NEK11: variants seen among roughly 807,000 people sequenced by gnomAD.
The protein encoded by NEK11 is serine/threonine-protein kinase Nek11.
NEK11 carries 72 observed loss-of-function variants against 80.7 expected under a neutral mutation model. The ratio of observed to expected loss-of-function variants is 0.89; its 90% CI spans 0.74 to 1.08. NEK11 has a LOEUF of 1.08. Ranked by LOEUF, NEK11 falls within the 50% of genes least tolerant of loss-of-function variation. The pLI, the probability that NEK11 is intolerant of heterozygous loss-of-function variation, is 0.00. For missense variants in NEK11, 764 were observed against 763.6 expected (o/e 1.00, Z -0.01); for synonymous variants, 251 against 260.7 (o/e 0.96, Z 0.36).
At chr3:131,176,978 TTAAA>T (rs2093056227) in intron 14 of NEK11, among the ~76,000 whole-genome samples, 1 of 152,114 alleles carries the variant, frequency 6.6e-6, no homozygotes, top group African/African-American at 2.4e-5. Context: ...AAGCAGAAAA[TTAAA>T]TAAGTATCAA....
At chr3:131,033,592 C>T (rs2065195513) in intron 3 of NEK11, among the ~76,000 whole-genome samples, 1 of 152,150 alleles carries the variant, frequency 6.6e-6, no homozygotes, top group Non-Finnish European at 1.5e-5. Flanking sequence ...AAGAACTTGA[C>T]AAAATGGAAC....
At chr3:131,257,432 G>A (rs187624113) in intron 16 of NEK11, among the ~76,000 whole-genome samples, 2 of 152,180 alleles carry the variant, frequency 1.3e-5, no homozygotes, top group African/African-American at 4.8e-5. Context: ...CCCCTTACAA[G>A]GGAAATGAGA....
chr3:131,051,888 T>A (rs888061999), intron 3 of NEK11, among the ~76,000 whole-genome samples: 1 of 152,104 alleles, frequency 6.6e-6, no homozygotes, highest in African/African-American at 2.4e-5. Flanking sequence ...TATAATATAA[T>A]TTTTGATAGG....
chr3:131,297,124 G>A (rs941300042), intron 17 of NEK11, among the ~76,000 whole-genome samples: 8 of 152,112 alleles, frequency 5.3e-5, no homozygotes, highest in South Asian at 2.1e-4. Context: ...ATAAACATAC[G>A]TATACATGTG....
At chr3:131,285,641 CA>C (rs1360055188) in intron 17 of NEK11, among the ~76,000 whole-genome samples, 2 of 152,212 alleles carry the variant, frequency 1.3e-5, no homozygotes, top group African/African-American at 4.8e-5. Flanking sequence ...TTCTCAAGAG[CA>C]AAACAAACTT....
intron 17 of NEK11, among the ~76,000 whole-genome samples, chr3:131,349,261 C>T (rs879116239): frequency 6.6e-6 from 1 of 152,018 alleles, no homozygotes; most frequent in African/African-American, 2.4e-5. Flanking sequence ...ATAAACACAT[C>T]TGTGTGTATA....
intron 17 of NEK11, among the ~76,000 whole-genome samples, chr3:131,274,264 C>G (rs1296202214): frequency 6.8e-6 from 1 of 148,146 alleles, no homozygotes; most frequent in Admixed American, 6.7e-5. Context: ...CAGTTTCATC[C>G]ATGTCCCTAC....
chr3:131,255,064 GACA>G, intron 16 of NEK11, among the ~76,000 whole-genome samples: 1 of 145,864 alleles, frequency 6.9e-6, no homozygotes, highest in Non-Finnish European at 1.5e-5. Context: ...CAGACAGACA[GACA>G]GACAGAAAGA....
At chr3:131,154,412 T>C (rs1489581970) in intron 9 of NEK11, among the ~76,000 whole-genome samples, 33 of 152,064 alleles carry the variant, frequency 2.2e-4, no homozygotes, top group Admixed American at 2.2e-3. Flanking sequence ...ATTTTAAAAA[T>C]CCAGATTAAT....
chr3:131,273,384 T>C (rs978873173), intron 16 of NEK11, 94 bp from the exon 17 acceptor site: 3 of 831,014 alleles, frequency 3.6e-6, no homozygotes, highest in African/African-American at 3.4e-5. Context: ...GTGGCAAAGG[T>C]GGATTAGCTT....
chr3:131,215,691 C>G (rs370395571), intron 14 of NEK11, among the ~76,000 whole-genome samples: 1 of 152,168 alleles, frequency 6.6e-6, no homozygotes, highest in Non-Finnish European at 1.5e-5. Flanking sequence ...ACTACCTCTC[C>G]CCTGCTACAT....
At chr3:131,188,331 GCAATTTCA>G (rs1203788013) in intron 14 of NEK11, among the ~76,000 whole-genome samples, 1 of 152,080 alleles carries the variant, frequency 6.6e-6, no homozygotes, top group Non-Finnish European at 1.5e-5. Flanking sequence ...TGGTGCAAAA[GCAATTTCA>G]ATTTTTGCCA....
At chr3:131,093,300 G>A (rs2076980149) in intron 4 of NEK11, among the ~76,000 whole-genome samples, 1 of 152,060 alleles carries the variant, frequency 6.6e-6, no homozygotes, top group South Asian at 2.1e-4. Context: ...TCTTTCTTTT[G>A]GTTTTCTTAG....
At chr3:131,161,881 C>G (rs2091641929) in intron 10 of NEK11, among the ~76,000 whole-genome samples, 1 of 152,122 alleles carries the variant, frequency 6.6e-6, no homozygotes, top group Non-Finnish European at 1.5e-5. Flanking sequence ...AAAATACTAG[C>G]ATTTTGGAAT....
At chr3:131,222,950 C>T (rs189107173) in intron 14 of NEK11, among the ~76,000 whole-genome samples, 3 of 152,330 alleles carry the variant, frequency 2.0e-5, no homozygotes, top group African/African-American at 7.2e-5. Context: ...GTGATGTCTT[C>T]GTTTTTCCAG....
Position 131,273,549 on chromosome 3 carries a change from A to G in NEK11, c.1693A>G (p.Arg565Gly), listed in dbSNP as rs2096239266. The G allele has an allele frequency of 6.2e-7, 1 of 1,613,962 alleles. No homozygotes were observed. Among genetic ancestry groups the G allele is most frequent in the Non-Finnish European group, 8.5e-7 (1 of 1,179,862 alleles). The change falls in exon 17 of 18, where the codon AGG becomes GGG. Residue 565 changes from arginine (R) to glycine (G), a missense_variant. Coordinates refer to ENST00000383366, the MANE Select transcript of NEK11 (RefSeq NM_024800.5). ...ACCAATTTTCAACAGTGTGATGGCC[A>G]GGACCAAGATGAAACGCATGAGGGA... ...GPPIFNSVMA[R>G]TKMKRMRESA...
At chr3:131,205,768 T>C (rs2094425102) in intron 14 of NEK11, among the ~76,000 whole-genome samples, 1 of 152,210 alleles carries the variant, frequency 6.6e-6, no homozygotes, top group Non-Finnish European at 1.5e-5. Flanking sequence ...ATACTGCCTT[T>C]CTGATAAATA....
intron 7 of NEK11, among the ~76,000 whole-genome samples, chr3:131,151,718 G>A (rs1213414147): frequency 6.6e-6 from 1 of 151,454 alleles, no homozygotes; most frequent in Non-Finnish European, 1.5e-5. Flanking sequence ...TTTTAATGAT[G>A]TAGAGTTATT....
rs530173561 is a variant in NEK11 at position 131,110,717 on chromosome 3, G to A, written c.455+796G>A. ...TGGTACCATTCTTCTTGAACGAAAG[G>A]GGGTAATTTATAAAGCACACCAAGG... On this transcript the variant is annotated intron_variant, in intron 5 of 17. Coordinates refer to ENST00000383366, the MANE Select transcript of NEK11 (RefSeq NM_024800.5). Among the ~76,000 whole-genome samples the A allele has an allele frequency of 6.6e-5, 10 of 152,210 alleles. No individual in the cohort carries two copies. The South Asian group carries it at 1.2e-3, about 19-fold the overall frequency.
Sources: gnomAD v4.1 joint callset for allele counts (sites outside exome capture counted in the v4.1 genomes callset) on GRCh38, gnomAD v4.1.1 for gene constraint, MANE v1.5 for transcripts, NCBI Gene and HGNC (gene_info 2026-07-23, HGNC 2026-07-21) for gene names.